HNRNPU: variants seen among roughly 807,000 people sequenced by gnomAD.
HNRNPU encodes the protein heterogeneous nuclear ribonucleoprotein U, also known as HNRNPU antisense RNA 1.
In HNRNPU, 5 loss-of-function variants were observed where a neutral mutation model predicts 94.7. That is an observed-to-expected ratio of 0.05 (90% confidence interval 0.03 to 0.11). HNRNPU has a LOEUF of 0.11. Ranked by LOEUF, HNRNPU falls within the 10% of genes least tolerant of loss-of-function variation. The pLI is 1.00. For missense variants in HNRNPU, 710 were observed against 1,049.2 expected (o/e 0.68, Z 4.47); for synonymous variants, 434 against 381.6 (o/e 1.14, Z -1.60).
intron 4 of HNRNPU, chr1:244,860,109 G>A (rs1047589783): frequency 7.0e-6 from 3 of 427,014 alleles, no homozygotes; most frequent in Admixed American, 4.4e-5. Flanking sequence ...CGACCAGCCT[G>A]GCCTACGTGG....
In HNRNPU at chr1:244,860,438, C is replaced by T. The variant is rs756460435; in HGVS notation, c.914G>A (p.Arg305His). The stretch of plus-strand genomic sequence containing the variant: ...CATTGTAAGGGAAGAAGCACTGAGA[C>T]GATCTCTTGATATTTTAAAATGTAG... ...CDLHFKISRDRLSASSLTMES... is the reference protein window; with the variant it reads ...CDLHFKISRDHLSASSLTMES... Residue 305 changes from arginine to histidine, a missense_variant, in exon 4 of 14, where the codon CGT becomes CAT. By Grantham distance (29) the Arg-to-His change is conservative. Around this residue, in one of 8 missense-constraint regions of HNRNPU, gnomAD observed 31 missense variants for 86.8 expected, o/e 0.36. Coordinates refer to ENST00000640218, the MANE Select transcript of HNRNPU (RefSeq NM_031844.3). 1 of 1,601,164 alleles carries T rather than the reference C, an allele frequency of 6.2e-7. No individual in the cohort carries two copies. Among genetic ancestry groups the T allele is most frequent in the South Asian group, 1.1e-5 (1 of 90,796 alleles).
rs1680586491 is a variant in HNRNPU at position 244,852,980 on chromosome 1, T to TCCCC, written c.*1469_*1470insGGGG. The stretch of plus-strand genomic sequence containing the variant: ...TGTTATTACATAGCTACAGTCAAGT[T>TCCCC]AGCAGTGTTGTGTAGCAGTGACATC... On this transcript the variant is annotated 3_prime_UTR_variant, in exon 14 of 14. Transcript: ENST00000640218. 6.6e-6 allele frequency: 1 copy of TCCCC among 152,596 alleles called. No individual in the cohort carries two copies. The highest frequency in any genetic ancestry group is 2.4e-5 in the African/African-American group (1 of 41,432). 9.5% of individuals were successfully genotyped at this position (152,596 alleles called of 1,614,324 possible). A position where few individuals can be genotyped will look rare whatever the true frequency, so the allele number is the denominator to read the frequency against.
At position 244,862,581 on chromosome 1, in the gene HNRNPU, G is replaced by C. The variant is rs1459377400; in HGVS notation, c.803+38C>G. 3.1e-6 allele frequency: 5 copies of C among 1,606,176 alleles called. No individual in the cohort carries two copies. The African/African-American group carries it at 6.7e-5, about 21-fold the overall frequency. ...TGATACAGCTTTCCGATCAACGAAC[G>C]AATAAGGGATGAGTAAAACTAGGTG... is the stretch of plus-strand genomic sequence containing the variant. On this transcript the variant is annotated intron_variant, in intron 2 of 13. Transcript: ENST00000640218.
At position 244,854,961 on chromosome 1, in the gene HNRNPU, G is replaced by A; in HGVS notation, c.2424+12C>T. On this transcript the variant is annotated intron_variant, in intron 13 of 13. Transcript: ENST00000640218. ...CAATTAATGTACATAAAGCACATAA[G>A]AAATTACTTACACCCTGCTGCCACT... is the stretch of plus-strand genomic sequence containing the variant. 6.3e-7 allele frequency: 1 copy of A among 1,597,580 alleles called. No homozygotes were observed. Among genetic ancestry groups the A allele is most frequent in the Non-Finnish European group, 8.6e-7 (1 of 1,164,926 alleles).
intron 3 of HNRNPU, 66 bp from the exon 4 acceptor site, chr1:244,860,540 A>G (rs765597329): frequency 2.3e-6 from 3 of 1,301,226 alleles, no homozygotes; most frequent in Non-Finnish European, 3.2e-6. Context: ...TATGTAGACA[A>G]AACTTGGTTA....
At chr1:244,856,420 G>T (rs750391159) in intron 10 of HNRNPU, 37 bp downstream of exon 10, 13 of 1,568,454 alleles carry the variant, frequency 8.3e-6, no homozygotes, top group Non-Finnish European at 1.1e-5. Flanking sequence ...CTTTTAAAAA[G>T]AAGATTTCAC....
chr1:244,854,694 ACAT>A (rs1461190679), intron 13 of HNRNPU, 191 bp from the exon 14 acceptor site: 34 of 562,570 alleles, frequency 6.0e-5, no homozygotes, highest in Non-Finnish European at 1.0e-4. Flanking sequence ...ACAAAACGAA[ACAT>A]CATGACTTTG....
chr1:244,852,473 A>T lies in HNRNPU; in HGVS notation c.*1977T>A, dbSNP rs1680572652. ...GGCACAAAGGACAACTTTAGGACAC[A>T]ACACTGATTAGCATCAAAACCTGAA... On this transcript the variant is annotated 3_prime_UTR_variant, in exon 14 of 14. Transcript: ENST00000640218. The T allele has an allele frequency of 6.6e-6, 1 of 152,190 alleles. No homozygotes were observed. The highest frequency in any genetic ancestry group is 2.4e-5 in the African/African-American group (1 of 41,460). 9.4% of individuals were successfully genotyped at this position (152,190 alleles called of 1,614,324 possible). A position where few individuals can be genotyped will look rare whatever the true frequency, so the allele number is the denominator to read the frequency against.
rs1412008209 is a variant in HNRNPU at position 244,863,404 on chromosome 1, A to ACACGCGCGCGCG, written c.691+212_691+213insCGCGCGCGCGTG. Among the ~76,000 whole-genome samples, 505 of 142,626 alleles carry ACACGCGCGCGCG rather than the reference A, an allele frequency of 3.5e-3. 4 individuals are homozygous for ACACGCGCGCGCG. The highest frequency in any genetic ancestry group is 0.012 in the African/African-American group (475 of 39,000). The allele number at this position is 142,626 out of a possible 152,430, so 93.6% of individuals were successfully genotyped here. A position where few individuals can be genotyped will look rare whatever the true frequency, so the allele number is the denominator to read the frequency against. On this transcript the variant is annotated intron_variant, in intron 1 of 13. Coordinates refer to ENST00000640218, the MANE Select transcript of HNRNPU (RefSeq NM_031844.3). ...AGGCGCTGCCACCGCCGACACACACACACACACACACACACACGCGCGCGC... is the reference window on the plus strand; with the variant it reads ...AGGCGCTGCCACCGCCGACACACACACACGCGCGCGCGCACACACACACACACACGCGCGCGC...
intron 1 of HNRNPU, 44 bp downstream of exon 1, chr1:244,863,573 C>T: frequency 7.3e-7 from 1 of 1,376,048 alleles, no homozygotes; most frequent in Non-Finnish European, 9.3e-7. Flanking sequence ...GTCCCCACCC[C>T]GCGCGGGCCT....
Position 244,850,335 on chromosome 1 carries a change from T to TA in HNRNPU, c.*4114dup, listed in dbSNP as rs1680507214. The TA allele has an allele frequency of 6.6e-6, 1 of 152,170 alleles. No homozygotes were observed. Among genetic ancestry groups the TA allele is most frequent in the Admixed American group, 6.5e-5 (1 of 15,272 alleles). 9.4% of individuals were successfully genotyped at this position (152,170 alleles called of 1,614,324 possible). A position where few individuals can be genotyped will look rare whatever the true frequency, so the allele number is the denominator to read the frequency against. On this transcript the variant is annotated 3_prime_UTR_variant, in exon 14 of 14. Coordinates refer to ENST00000640218, the MANE Select transcript of HNRNPU (RefSeq NM_031844.3). The stretch of plus-strand genomic sequence containing the variant: ...GTACTTTTAATGCTTATTTTACAAA[T>TA]ATGTACCTGTGGTGCTAATACTAGG...
At chr1:244,855,734 A>G in intron 11 of HNRNPU, 126 bp from the exon 12 acceptor site, 1 of 1,278,842 alleles carries the variant, frequency 7.8e-7, no homozygotes, top group Non-Finnish European at 1.1e-6. Context: ...GAAATGTTTA[A>G]TTCTAACCAT....
intron 4 of HNRNPU, 169 bp from the exon 5 acceptor site, chr1:244,859,543 T>C (rs1680772106): frequency 4.6e-6 from 2 of 437,812 alleles, no homozygotes; most frequent in South Asian, 5.9e-5. Flanking sequence ...GATGTGCTTA[T>C]AACTTGAAAT....
chr1:244,864,395 C>T lies in HNRNPU; in HGVS notation c.-88G>A, dbSNP rs1573338764. The T allele has an allele frequency of 5.7e-6, 9 of 1,575,588 alleles. No individual in the cohort carries two copies. The highest frequency in any genetic ancestry group is 1.1e-5 in the South Asian group (1 of 87,074). On this transcript the variant is annotated 5_prime_UTR_variant, in exon 1 of 14. Transcript: ENST00000640218. The stretch of plus-strand genomic sequence containing the variant: ...GGTGGCGGCTGCTGCGGCTGCTCCT[C>T]GGCCCGGGCGGCGGCTGCGGCTGCG...
intron 6 of HNRNPU, 163 bp from the exon 7 acceptor site, chr1:244,858,437 A>AC: frequency 1.5e-6 from 1 of 650,480 alleles, no homozygotes; most frequent in Non-Finnish European, 2.6e-6. Context: ...TGATGGTTGT[A>AC]AACCATGAAG....
chr1:244,855,617 C>CA lies in HNRNPU; in HGVS notation c.2168-10dup, dbSNP rs1322267060. 1.9e-6 allele frequency: 3 copies of CA among 1,613,518 alleles called. No homozygotes were observed. The highest frequency in any genetic ancestry group is 2.7e-5 in the African/African-American group (2 of 74,878). On this transcript the variant is annotated splice_polypyrimidine_tract_variant and intron_variant, in intron 11 of 13. Coordinates refer to ENST00000640218, the MANE Select transcript of HNRNPU (RefSeq NM_031844.3). The stretch of plus-strand genomic sequence containing the variant: ...GCCACGATTCCCAGGGGCTAAAAGA[C>CA]AAGAGCTGTTTTAGTTTCATTGTAT...
chr1:244,851,813 A>G lies in HNRNPU; in HGVS notation c.*2637T>C, dbSNP rs1680556615. ...GAGTATATGAGGGAAAACTTTCCAC[A>G]TAATTTTACATCATTTCTATCTCAT... On this transcript the variant is annotated 3_prime_UTR_variant, in exon 14 of 14. Coordinates refer to ENST00000640218, the MANE Select transcript of HNRNPU (RefSeq NM_031844.3). 6.6e-6 allele frequency: 1 copy of G among 152,242 alleles called. No individual in the cohort carries two copies. Among genetic ancestry groups the G allele is most frequent in the African/African-American group, 2.4e-5 (1 of 41,456 alleles). 9.4% of individuals were successfully genotyped at this position (152,242 alleles called of 1,614,324 possible).
At position 244,864,297 on chromosome 1, in the gene HNRNPU, G is replaced by C. The variant is rs1322316080; in HGVS notation, c.11C>G (p.Ser4Trp). Residue 4 changes from serine (S) to tryptophan (W), a missense_variant, in exon 1 of 14, where the codon TCG (serine) becomes TGG (tryptophan). Ser to Trp is a radical substitution (Grantham distance 177). Coordinates refer to ENST00000640218, the MANE Select transcript of HNRNPU (RefSeq NM_031844.3). The stretch of plus-strand genomic sequence containing the variant: ...CTTCAGCTTTTTTACATTAACAGGC[G>C]AGGAACTCATGGTGAGGGCCCCGAT... MSS[S>W]PVNVKKLKVS... The C allele has an allele frequency of 6.2e-7, 1 of 1,612,834 alleles. No individual in the cohort carries two copies. The highest frequency in any genetic ancestry group is 8.5e-7 in the Non-Finnish European group (1 of 1,179,724).
In HNRNPU at chr1:244,854,100, G is replaced by C; in HGVS notation, c.*350C>G. On this transcript the variant is annotated 3_prime_UTR_variant, in exon 14 of 14. Transcript: ENST00000640218. ...CCGACTGTTATTCTCTGTGAGAAAT[G>C]GGGGGAGTAAATTCTTAATAAAAGA... The C allele has an allele frequency of 4.1e-6, 1 of 246,846 alleles. No individual in the cohort carries two copies. The highest frequency in any genetic ancestry group is 7.9e-6 in the Non-Finnish European group (1 of 126,824). 15.3% of individuals were successfully genotyped at this position (246,846 alleles called of 1,614,324 possible). A position where few individuals can be genotyped will look rare whatever the true frequency, so the allele number is the denominator to read the frequency against.
Sources: gnomAD v4.1 joint callset for allele counts (sites outside exome capture counted in the v4.1 genomes callset) on GRCh38, gnomAD v4.1.1 for gene constraint, gnomAD v4.1.1 regional missense constraint, MANE v1.5 for transcripts, NCBI Gene and HGNC (gene_info 2026-07-23, HGNC 2026-07-21) for gene names.